The following ADAMTS3 variants were observed in gnomAD, a reference collection of about 807,000 sequenced individuals.
ADAMTS3 encodes A disintegrin and metalloproteinase with thrombospondin motifs 3.
ADAMTS3 carries 73 observed loss-of-function variants against 129.0 expected under a neutral mutation model. The observed-to-expected ratio is 0.57, with a 90% CI of 0.47 to 0.69. The LOEUF (loss-of-function observed/expected upper bound fraction) is 0.69, where lower values mean the gene tolerates loss of function less well. Among genes scored for constraint, ADAMTS3 ranks in the 30% least tolerant of loss-of-function variants. The pLI is 0.00. For missense variants in ADAMTS3, 1,457 were observed against 1,514.5 expected (o/e 0.96, Z 0.63); for synonymous variants, 477 against 510.8 (o/e 0.93, Z 0.89).
chr4:72,514,602 T>A (rs1578749935), intron 3 of ADAMTS3, among the ~76,000 whole-genome samples: 1 of 152,232 alleles, frequency 6.6e-6, no homozygotes, highest in East Asian at 1.9e-4. Flanking sequence ...TGCCTATTCT[T>A]CTGCCTAGAC....
At chr4:72,501,190 A>C (rs1720012289) in intron 3 of ADAMTS3, among the ~76,000 whole-genome samples, 1 of 152,198 alleles carries the variant, frequency 6.6e-6, no homozygotes, top group Non-Finnish European at 1.5e-5. Flanking sequence ...ATGTGTCTGT[A>C]AATTGCTTTG....
chr4:72,389,345 T>C (rs1449479553), intron 4 of ADAMTS3, among the ~76,000 whole-genome samples: 3 of 152,182 alleles, frequency 2.0e-5, no homozygotes, highest in Non-Finnish European at 2.9e-5. Flanking sequence ...CCCTCAGGAA[T>C]GACAGAGAGG....
chr4:72,349,057 G>C (rs904968961), intron 4 of ADAMTS3, among the ~76,000 whole-genome samples: 1 of 151,834 alleles, frequency 6.6e-6, no homozygotes, highest in Admixed American at 6.6e-5. Flanking sequence ...TTAAATTAGG[G>C]GTGATTTATT....
chr4:72,369,143 A>T (rs750709422), intron 4 of ADAMTS3, among the ~76,000 whole-genome samples: 4 of 152,244 alleles, frequency 2.6e-5, no homozygotes, highest in Non-Finnish European at 5.9e-5. Flanking sequence ...TAGAAACACT[A>T]CGCATGGTGT....
intron 10 of ADAMTS3, among the ~76,000 whole-genome samples, chr4:72,317,165 C>T (rs1379732789): frequency 1.3e-5 from 2 of 152,172 alleles, no homozygotes; most frequent in African/African-American, 4.8e-5. Flanking sequence ...TACCTACATA[C>T]ACCCTTATGT....
At chr4:72,298,235 T>C (rs913636685) in intron 18 of ADAMTS3, 42 bp downstream of exon 18, 11 of 1,543,546 alleles carry the variant, frequency 7.1e-6, no homozygotes, top group African/African-American at 1.4e-5. Context: ...TTGGTTTTTA[T>C]ATGCATTACA....
intron 3 of ADAMTS3, among the ~76,000 whole-genome samples, chr4:72,431,199 A>T (rs1057412958): frequency 2.6e-5 from 4 of 152,010 alleles, no homozygotes; most frequent in Admixed American, 2.6e-4. Context: ...ACAATGGCGA[A>T]AATGGCTCAT....
chr4:72,331,434 G>C (rs949967288), intron 5 of ADAMTS3, among the ~76,000 whole-genome samples: 1 of 152,110 alleles, frequency 6.6e-6, no homozygotes, highest in African/African-American at 2.4e-5. Flanking sequence ...GTGTGTAACA[G>C]AGTCTCTCTC....
intron 4 of ADAMTS3, among the ~76,000 whole-genome samples, chr4:72,392,416 T>A (rs2109894856): frequency 6.6e-6 from 1 of 152,266 alleles, no homozygotes; most frequent in East Asian, 1.9e-4. Flanking sequence ...TTCCTACATA[T>A]TTAAAAAAAA....
intron 3 of ADAMTS3, among the ~76,000 whole-genome samples, chr4:72,505,502 G>A (rs192353601): frequency 1.3e-5 from 2 of 152,298 alleles, no homozygotes; most frequent in Non-Finnish European, 2.9e-5. Flanking sequence ...TGTTGCCCCA[G>A]GGAATGGGCT....
intron 11 of ADAMTS3, 29 bp from the exon 12 acceptor site, chr4:72,313,851 A>G: frequency 6.2e-7 from 1 of 1,612,838 alleles, no homozygotes; most frequent in South Asian, 1.1e-5. Flanking sequence ...GGTAATTATT[A>G]AAATCACGCA....
At chr4:72,330,877 C>T (rs527246419) in intron 5 of ADAMTS3, 40 of 152,254 alleles carry the variant, frequency 2.6e-4, no homozygotes, top group African/African-American at 8.2e-4. Context: ...TAGCAAAAGC[C>T]CAGGTAGAAC....
At chr4:72,376,871 A>G (rs1721146466) in intron 4 of ADAMTS3, among the ~76,000 whole-genome samples, 1 of 152,140 alleles carries the variant, frequency 6.6e-6, no homozygotes, top group African/African-American at 2.4e-5. Context: ...CCTTGCCTAT[A>G]TTTTCTGAAT....
In ADAMTS3 at chr4:72,315,852, A is replaced by G; in HGVS notation, c.1599+6T>C. On this transcript the variant is annotated splice_donor_region_variant and intron_variant, in intron 11 of 21. Coordinates refer to ENST00000286657, the MANE Select transcript of ADAMTS3 (RefSeq NM_014243.3). ...ACATATTTATTGTGTAAATAGATAT[A>G]CTCACTTTTCCAGCAGCACATTCAG... The G allele has an allele frequency of 6.5e-7, 1 of 1,539,582 alleles. No individual in the cohort carries two copies. The highest frequency in any genetic ancestry group is 1.1e-5 in the South Asian group (1 of 87,968).
chr4:72,385,714 G>A (rs1721427500), intron 4 of ADAMTS3, among the ~76,000 whole-genome samples: 1 of 152,038 alleles, frequency 6.6e-6, no homozygotes, highest in Admixed American at 6.6e-5. Context: ...TTTCACTTTG[G>A]AATTTCCTAA....
At chr4:72,379,517 A>G (rs1473772610) in intron 4 of ADAMTS3, among the ~76,000 whole-genome samples, 1 of 152,140 alleles carries the variant, frequency 6.6e-6, no homozygotes, top group Non-Finnish European at 1.5e-5. Context: ...TCTGGCACTA[A>G]CAGTCCATGA....
At chr4:72,535,510 A>G (rs1008641584) in intron 3 of ADAMTS3, among the ~76,000 whole-genome samples, 1 of 152,166 alleles carries the variant, frequency 6.6e-6, no homozygotes, top group Non-Finnish European at 1.5e-5. Flanking sequence ...ACAGAAGTAG[A>G]CCTTCCAGAA....
chr4:72,320,907 A>G, intron 6 of ADAMTS3, 37 bp from the exon 7 acceptor site: 1 of 1,586,810 alleles, frequency 6.3e-7, no homozygotes, highest in Non-Finnish European at 8.6e-7. Context: ...ACACCTGACA[A>G]TTTCCCAAAG....
In ADAMTS3 at chr4:72,550,154, A is replaced by C. The variant is rs558004467; in HGVS notation, c.98-1270T>G. On this transcript the variant is annotated intron_variant, in intron 2 of 21. Transcript: ENST00000286657. ...GGAAATCTAAAAACATGAACTAAAA[A>C]GTTTCCCACTTTCACAATTCTAGCC... Among the ~76,000 whole-genome samples, 181 of 149,490 alleles carry C rather than the reference A, an allele frequency of 1.2e-3. 2 individuals are homozygous for C. The highest frequency in any genetic ancestry group is 2.7e-3 in the Admixed American group (40 of 15,042).
Sources: allele counts gnomAD v4.1 joint callset (sites outside exome capture counted in the v4.1 genomes callset), GRCh38; gene constraint gnomAD v4.1.1; transcripts MANE v1.5; gene names NCBI Gene and HGNC (gene_info 2026-07-23, HGNC 2026-07-21).